Variants in OR2T2 observed in about 807,000 individuals in gnomAD.
OR2T2 encodes the protein olfactory receptor 2T2.
For synonymous variants in OR2T2, 50 were observed against 162.7 expected, an observed-to-expected ratio of 0.31 and a Z score of 5.27; for missense variants, 138 against 409.1, an observed-to-expected ratio of 0.34 and a Z score of 5.72.
intron 2 of OR2T2, among the ~76,000 whole-genome samples, chr1:248,447,612 C>T (rs1388444524): frequency 6.6e-6 from 1 of 151,102 alleles, no homozygotes; most frequent in Non-Finnish European, 1.5e-5. Context: ...TGATCATGTC[C>T]TCTCTCCTTC....
At chr1:248,451,873 TATA>T (rs1263720391) in intron 2 of OR2T2, among the ~76,000 whole-genome samples, 1 of 104,814 alleles carries the variant, frequency 9.5e-6, no homozygotes, top group East Asian at 3.0e-4. Context: ...ACTAGGATGA[TATA>T]ATATTAGGAC....
At chr1:248,453,050 G>T in exon 3 of OR2T2, 2 of 1,613,310 alleles carry the variant, frequency 1.2e-6, no homozygotes, top group Non-Finnish European at 1.7e-6. Flanking sequence ...GATGCTCCAG[G>T]ACCTCCTGTC....
chr1:248,450,447 C>T lies in OR2T2; in HGVS notation c.-22-2329C>T, dbSNP rs1483123063. ...TTTTTTACTCTCCTCTTCTGGGATC[C>T]TACAGTAAGATAAGATCTAGGAGTT... is the stretch of plus-strand genomic sequence containing the variant. On this transcript the variant is annotated intron_variant, in intron 2 of 2. Transcript: ENST00000642130. Among the ~76,000 whole-genome samples, 4 of 147,268 alleles carry T rather than the reference C, an allele frequency of 2.7e-5. 1 individual carries two copies. Among genetic ancestry groups the T allele is most frequent in the South Asian group, 2.1e-4 (1 of 4,706 alleles).
At position 248,449,969 on chromosome 1, in the gene OR2T2, A is replaced by T. The variant is rs1770063; in HGVS notation, c.-22-2807A>T. 7.5e-4 allele frequency among the ~76,000 whole-genome samples: 97 copies of T among 130,024 alleles called. 14 individuals are homozygous for T. The highest frequency in any genetic ancestry group is 3.6e-3 in the African/African-American group (95 of 26,600). The allele number at this position is 130,024 out of a possible 152,430, so 85.3% of individuals were successfully genotyped here. On this transcript the variant is annotated intron_variant, in intron 2 of 2. Transcript: ENST00000642130. The stretch of plus-strand genomic sequence containing the variant: ...TATGTGTGAATAAGTCAAACCACAC[A>T]TCGTAATGCTAAATAGCATCAACTC...
rs1481367954 is a variant in OR2T2, at chr1:248,447,924, C to A, written c.-23+1113C>A. 9.2e-5 allele frequency among the ~76,000 whole-genome samples: 14 copies of A among 151,956 alleles called. No homozygotes were observed. In the South Asian group the frequency reaches 2.9e-3, roughly 32 times the overall value. ...GTGTAGAAAATATTAAATGAAAAAT[C>A]TCAAATTTTAAATTGCCCACCATTT... On this transcript the variant is annotated intron_variant, in intron 2 of 2. Transcript: ENST00000642130.
exon 3 of OR2T2, chr1:248,453,123 T>C: frequency 5.0e-6 from 8 of 1,613,222 alleles, no homozygotes; most frequent in Non-Finnish European, 5.9e-6. Context: ...CTGACCCTGA[T>C]TGGAGGGGAA....
At chr1:248,454,124 A>G (rs1448331083) in exon 3 of OR2T2, 1 of 242,852 alleles carries the variant, frequency 4.1e-6, no homozygotes, top group South Asian at 2.8e-5. Context: ...CAAACCATTC[A>G]TGGCACGCCA....
intron 2 of OR2T2, among the ~76,000 whole-genome samples, chr1:248,447,772 C>CAT: frequency 6.6e-6 from 1 of 152,232 alleles, no homozygotes; most frequent in South Asian, 2.1e-4. Flanking sequence ...GCTTTAAGAT[C>CAT]CTTTCAGTCT....
chr1:248,450,237 T>C (rs1488093063), intron 2 of OR2T2, among the ~76,000 whole-genome samples: 1 of 147,356 alleles, frequency 6.8e-6, no homozygotes, highest in Admixed American at 6.6e-5. Context: ...TCCCTACACA[T>C]ATCCCCACCC....
At chr1:248,455,097 C>T (rs1662904913) in exon 3 of OR2T2, 1 of 151,300 alleles carries the variant, frequency 6.6e-6, no homozygotes. Context: ...ACTACACTGA[C>T]CCCACCATTC....
In OR2T2 at chr1:248,453,778, A is replaced by C. The variant is rs116705315; in HGVS notation, c.*6A>C. The stretch of plus-strand genomic sequence containing the variant: ...CTGTGATCAGGAAGGGCTAGCAGGG[A>C]CTCCCACAGCATCAGAGTGGTGACT... On this transcript the variant is annotated 3_prime_UTR_variant, in exon 3 of 3. Coordinates refer to ENST00000642130, the Ensembl canonical transcript of OR2T2. The C allele has an allele frequency of 1.0e-3, 1,581 of 1,515,482 alleles. 70 individuals carry two copies. In the African/African-American group the frequency reaches 0.021, roughly 20 times the overall value. The allele number at this position is 1,515,482 out of a possible 1,614,324, so 93.9% of individuals were successfully genotyped here. A position where few individuals can be genotyped will look rare whatever the true frequency, so the allele number is the denominator to read the frequency against.
chr1:248,448,011 C>T (rs1334150396), intron 2 of OR2T2, among the ~76,000 whole-genome samples: 5 of 152,288 alleles, frequency 3.3e-5, no homozygotes, highest in Non-Finnish European at 1.5e-5. Flanking sequence ...TATGCTACCC[C>T]CTGAGTCATT....
intron 1 of OR2T2, among the ~76,000 whole-genome samples, chr1:248,446,172 T>C (rs1341082442): frequency 6.9e-6 from 1 of 144,606 alleles, no homozygotes; most frequent in Admixed American, 6.7e-5. Context: ...TGATTTTTTT[T>C]TTTCATTTTA....
chr1:248,448,765 A>AC (rs1319068842), intron 2 of OR2T2, among the ~76,000 whole-genome samples: 6 of 64,290 alleles, frequency 9.3e-5, no homozygotes, highest in African/African-American at 3.6e-4. Context: ...TCATTCAGGA[A>AC]CAAATAATCG....
exon 3 of OR2T2, chr1:248,453,993 A>G: frequency 3.5e-6 from 2 of 576,500 alleles, no homozygotes; most frequent in East Asian, 3.0e-5. Flanking sequence ...AGGCAAAATC[A>G]TCCTGTTGCA....
At position 248,445,926 on chromosome 1, in the gene OR2T2, A is replaced by G. The variant is rs1194056161; in HGVS notation, c.-246+257A>G. Among the ~76,000 whole-genome samples, 8 of 147,390 alleles carry G rather than the reference A, an allele frequency of 5.4e-5. No individual in the cohort carries two copies. The South Asian group carries it at 1.7e-3, about 31-fold the overall frequency. ...TGTAATAGTTTAGAAGAACATGAAT[A>G]GATTTACTGAAGGAAAATGGCATGT... is the stretch of plus-strand genomic sequence containing the variant. On this transcript the variant is annotated intron_variant, in intron 1 of 2. Coordinates refer to ENST00000642130, the Ensembl canonical transcript of OR2T2.
intron 2 of OR2T2, among the ~76,000 whole-genome samples, chr1:248,450,076 C>G (rs868129533): frequency 3.4e-5 from 5 of 148,662 alleles, no homozygotes; most frequent in Non-Finnish European, 5.9e-5. Context: ...AGATATTTTC[C>G]CTGTCTACTT....
intron 2 of OR2T2, among the ~76,000 whole-genome samples, chr1:248,447,280 A>T (rs1662686661): frequency 2.0e-5 from 3 of 151,238 alleles, no homozygotes; most frequent in Admixed American, 2.0e-4. Flanking sequence ...TTCCTGGCCA[A>T]AGCCCACTGT....
At chr1:248,453,096 T>A in exon 3 of OR2T2, 1 of 1,613,196 alleles carries the variant, frequency 6.2e-7, no homozygotes, top group Non-Finnish European at 8.5e-7. Flanking sequence ...GGCTGTGCAG[T>A]TCAGATCTTC....
Sources: gnomAD v4.1 joint callset for allele counts (sites outside exome capture counted in the v4.1 genomes callset) on GRCh38, gnomAD v4.1.1 for gene constraint, MANE v1.5 for transcripts, NCBI Gene and HGNC (gene_info 2026-07-23, HGNC 2026-07-21) for gene names.